PYGM: variants seen among roughly 807,000 people sequenced by gnomAD.
PYGM encodes the protein glycogen phosphorylase, muscle form.
Under a neutral mutation model 99.3 loss-of-function variants are expected in PYGM, and 81 were observed. The ratio of observed to expected loss-of-function variants is 0.82; its 90% CI spans 0.68 to 0.98. The LOEUF is 0.98. Ranked by LOEUF, PYGM falls within the 50% of genes least tolerant of loss-of-function variation. The probability of loss-of-function intolerance (pLI) is 0.00; values close to 1 mark genes in which losing one functional copy is unlikely to be tolerated. For synonymous variants in PYGM, 436 were observed against 451.5 expected (o/e 0.97, Z 0.44); for missense variants, 1,030 against 1,158.1 (o/e 0.89, Z 1.61).
rs535053504 is a variant in PYGM, at chr11:64,752,130, G to C, written c.1621-59C>G. 8.1e-6 allele frequency: 13 copies of C among 1,610,678 alleles called. No individual in the cohort carries two copies. The Admixed American group carries it at 2.0e-4, about 25-fold the overall frequency. ...GGCCACAGCCTCAGGAAATCCTACA[G>C]TCCACACTCCAGTCAGCCCCAGGAG... On this transcript the variant is annotated intron_variant, in intron 13 of 19. Coordinates refer to ENST00000164139, the MANE Select transcript of PYGM (RefSeq NM_005609.4).
In PYGM at chr11:64,753,172, A is replaced by G. The variant is rs115556379; in HGVS notation, c.1419T>C (p.Tyr473=). The G allele has an allele frequency of 6.2e-7, 1 of 1,612,106 alleles. No homozygotes were observed. Among genetic ancestry groups the G allele is most frequent in the Non-Finnish European group, 8.5e-7 (1 of 1,178,218 alleles). The part of the protein sequence containing the change: ...ILKKTIFKDF[Y]ELEPHKFQNK... ...TCTGGAACTTATGAGGCTCCAGCTC[A>G]TAGAAGTCTTTGAAGCTGCAGGATG... The change falls in exon 12 of 20, where the codon TAT becomes TAC. Residue 473 remains tyrosine, a synonymous_variant. Transcript: ENST00000164139.
chr11:64,754,562 GAAC>G lies in PYGM; in HGVS notation c.999+128_999+130del. ...TCTGAGCCTGTGGATTGTGAATCCT[GAAC>G]AACTGACCCTCCCACACTCCCAGTC... On this transcript the variant is annotated intron_variant, in intron 8 of 19. Transcript: ENST00000164139. The surrounding 1 kb of genome is among the most constrained non-coding windows in gnomAD (Gnocchi z 5.5). The G allele has an allele frequency of 2.2e-6, 3 of 1,365,818 alleles. No individual in the cohort carries two copies. The highest frequency in any genetic ancestry group is 3.0e-6 in the Non-Finnish European group (3 of 995,038). 84.6% of individuals were successfully genotyped at this position (1,365,818 alleles called of 1,614,324 possible).
chr11:64,751,079 A>C, intron 16 of PYGM: 1 of 498,180 alleles, frequency 2.0e-6, no homozygotes. Flanking sequence ...TTTAGTAGAG[A>C]CGGGGTTTCA....
intron 17 of PYGM, among the ~76,000 whole-genome samples, chr11:64,749,872 A>T (rs1305019889): frequency 6.7e-6 from 1 of 148,404 alleles, no homozygotes; most frequent in Non-Finnish European, 1.5e-5. Context: ...GGCTCACTGC[A>T]AGCTCCGCCT....
chr11:64,746,522 TGA>T lies in PYGM; in HGVS notation c.*135_*136del. The T allele has an allele frequency of 1.6e-6, 2 of 1,249,952 alleles. No homozygotes were observed. Among genetic ancestry groups the T allele is most frequent in the Non-Finnish European group, 2.3e-6 (2 of 876,584 alleles). The allele number at this position is 1,249,952 out of a possible 1,614,324, so 77.4% of individuals were successfully genotyped here. On this transcript the variant is annotated 3_prime_UTR_variant, in exon 20 of 20. Transcript: ENST00000164139. ...TTAGTCACGCTGGACACTGGGACATTGAGAGTGGGGAAAATGAGGGTTCCAGG... is the reference window on the plus strand; with the variant it reads ...TTAGTCACGCTGGACACTGGGACATTGAGTGGGGAAAATGAGGGTTCCAGG...
In PYGM at chr11:64,754,207, C is replaced by T. The variant is rs1387055347; in HGVS notation, c.1092+46G>A. On this transcript the variant is annotated intron_variant, in intron 9 of 19. Transcript: ENST00000164139. The surrounding 1 kb of genome is among the most constrained non-coding windows in gnomAD (Gnocchi z 5.5). ...ACGCTCCCAAACTGGGAAGGGAACC[C>T]CGAGGCAGAGAGCATCAGATGGGGC... is the stretch of plus-strand genomic sequence containing the variant. The T allele has an allele frequency of 1.3e-6, 2 of 1,590,810 alleles. No homozygotes were observed. The highest frequency in any genetic ancestry group is 1.7e-6 in the Non-Finnish European group (2 of 1,159,382).
chr11:64,758,376 C>T, intron 3 of PYGM, 27 bp from the exon 4 acceptor site: 3 of 1,612,960 alleles, frequency 1.9e-6, no homozygotes, highest in Non-Finnish European at 2.5e-6. Flanking sequence ...AGGTGGCTGT[C>T]AGGGACCCAG....
rs200768330 is a variant in PYGM, at chr11:64,754,873, G to A, written c.856-37C>T. The A allele has an allele frequency of 1.2e-6, 2 of 1,611,328 alleles. No individual in the cohort carries two copies. Among genetic ancestry groups the A allele is most frequent in the African/African-American group, 1.3e-5 (1 of 74,996 alleles). ...ATGAGGCAGCGTGAGTCAGGGCGGT[G>A]GGGGCATGGCCTAAAGCTGCGGTGG... On this transcript the variant is annotated intron_variant, in intron 7 of 19. Coordinates refer to ENST00000164139, the MANE Select transcript of PYGM (RefSeq NM_005609.4). The surrounding 1 kb of genome is among the most constrained non-coding windows in gnomAD (Gnocchi z 5.5).
chr11:64,748,439 T>G (rs1441725087), intron 17 of PYGM: 1 of 152,214 alleles, frequency 6.6e-6, no homozygotes, highest in Non-Finnish European at 1.5e-5. Context: ...GGGAAGCTGT[T>G]GTGGGAGTGT....
intron 17 of PYGM, 68 bp downstream of exon 17, chr11:64,750,308 T>C: frequency 6.4e-7 from 1 of 1,564,492 alleles, no homozygotes; most frequent in Non-Finnish European, 8.8e-7. Flanking sequence ...ACGTGCCGCT[T>C]GCTCCCAGCA....
intron 12 of PYGM, 45 bp downstream of exon 12, chr11:64,753,028 G>C (rs1185626032): frequency 1.3e-6 from 2 of 1,508,682 alleles, no homozygotes; most frequent in Admixed American, 3.3e-5. Flanking sequence ...GCTGATCCCT[G>C]CAGGGACCCA....
rs149649134 is a variant in PYGM, at chr11:64,753,952, G to T, written c.1166C>A (p.Pro389Gln). The change falls in exon 10 of 20, where the codon CCG becomes CAG. Residue 389 changes from proline (P) to glutamine (Q), a missense_variant. Physicochemically the swap from Pro to Gln is moderately conservative, Grantham distance 76. Coordinates refer to ENST00000164139, the MANE Select transcript of PYGM (RefSeq NM_005609.4). ...CAGCAGCGTCTCCAAGAGGTGCACC[G>T]GCCAGCGCTCCAGGGCCTCGGGCAG... ...TVLPEALERW[P>Q]VHLLETLLPR... 6 of 1,603,266 alleles carry T rather than the reference G, an allele frequency of 3.7e-6. No individual in the cohort carries two copies. The highest frequency in any genetic ancestry group is 1.6e-4 in the Middle Eastern group (1 of 6,068).
rs1463150456 is a variant in PYGM, at chr11:64,746,479, G to A, written c.*180C>T. The A allele has an allele frequency of 1.3e-5, 11 of 834,870 alleles. No homozygotes were observed. Among genetic ancestry groups the A allele is most frequent in the Non-Finnish European group, 1.7e-5 (9 of 534,394 alleles). The allele number at this position is 834,870 out of a possible 1,614,324, so 51.7% of individuals were successfully genotyped here. On this transcript the variant is annotated 3_prime_UTR_variant, in exon 20 of 20. Coordinates refer to ENST00000164139, the MANE Select transcript of PYGM (RefSeq NM_005609.4). ...AGGAGGGGACCGGGAGCCCGAGGAC[G>A]GAAGGGGGCCCGTGTCCTTAGTCAC...
In PYGM at chr11:64,758,233, C is replaced by A; in HGVS notation, c.528+13G>T. ...CTGACTAGACCCCACAAGTTAGAGCCAAGGCTGCTCACCTGCCAGCCCCCG... is the reference window on the plus strand; with the variant it reads ...CTGACTAGACCCCACAAGTTAGAGCAAAGGCTGCTCACCTGCCAGCCCCCG... On this transcript the variant is annotated intron_variant, in intron 4 of 19. Transcript: ENST00000164139. 6.2e-7 allele frequency: 1 copy of A among 1,600,322 alleles called. No homozygotes were observed. Among genetic ancestry groups the A allele is most frequent in the Non-Finnish European group, 8.6e-7 (1 of 1,167,462 alleles).
At chr11:64,752,944 A>G in intron 12 of PYGM, 129 bp downstream of exon 12, 2 of 910,564 alleles carry the variant, frequency 2.2e-6, no homozygotes, top group Non-Finnish European at 3.7e-6. Flanking sequence ...AGGCTTGGGG[A>G]ACACAGTGCA....
chr11:64,750,568 T>C lies in PYGM; in HGVS notation c.1985A>G (p.Asp662Gly). 1 of 1,613,784 alleles carries C rather than the reference T, an allele frequency of 6.2e-7. No individual in the cohort carries two copies. The highest frequency in any genetic ancestry group is 8.5e-7 in the Non-Finnish European group (1 of 1,179,952). The change falls in exon 17 of 20, where the codon GAC becomes GGC. Residue 662 changes from aspartate to glycine, a missense_variant. Coordinates refer to ENST00000164139, the MANE Select transcript of PYGM (RefSeq NM_005609.4). ...CGCAGTGGAGATCTGCTCAGAGAGG[T>C]CTGCAGCTGGGATCACTGTGGGGTG... ...SLAEKVIPAADLSEQISTAGT... is the reference protein window; with the variant it reads ...SLAEKVIPAAGLSEQISTAGT...
At chr11:64,747,484 C>A in intron 17 of PYGM, 126 bp from the exon 18 acceptor site, 1 of 1,254,794 alleles carries the variant, frequency 8.0e-7, no homozygotes, top group Non-Finnish European at 1.1e-6. Context: ...CCCAGGGCTG[C>A]CACATCGCCC....
In PYGM at chr11:64,746,688, G is replaced by C. The variant is rs200118962; in HGVS notation, c.2500C>G (p.Arg834Gly). Residue 834 changes from arginine to glycine, a missense_variant, in exon 20 of 20, where the codon CGC becomes GGC. By Grantham distance (125) the Arg-to-Gly change is moderately radical. Transcript: ENST00000164139. ...EIWGVEPSRQ[R>G]LPAPDEAI is the part of the protein sequence containing the mutation. Reference sequence around the variant, plus strand: ...ATGGCCTCATCCGGGGCTGGCAGGCGCTGGCGGGAAGGCTCCACACCCCAG... The same window carrying C: ...ATGGCCTCATCCGGGGCTGGCAGGCCCTGGCGGGAAGGCTCCACACCCCAG... The C allele has an allele frequency of 1.9e-6, 3 of 1,614,204 alleles. No homozygotes were observed. The highest frequency in any genetic ancestry group is 3.3e-5 in the Admixed American group (2 of 60,022).
Position 64,753,616 on chromosome 11 carries a change from C to T in PYGM, c.1306G>A (p.Ala436Thr), listed in dbSNP as rs199728804. The change falls in exon 11 of 20, where the codon GCA becomes ACA. Residue 436 changes from alanine to threonine, a missense_variant. By Grantham distance (58) the Ala-to-Thr change is moderately conservative. Coordinates refer to ENST00000164139, the MANE Select transcript of PYGM (RefSeq NM_005609.4). The stretch of plus-strand genomic sequence containing the variant: ...TGTGCCATGTTGATGCGCTTCACTG[C>T]GCCCTCCTCCACCAGCGACATGCGC... ...LRRMSLVEEG[A>T]VKRINMAHLC... 26 of 1,608,568 alleles carry T rather than the reference C, an allele frequency of 1.6e-5. No individual in the cohort carries two copies. The highest frequency in any genetic ancestry group is 3.3e-4 in the Middle Eastern group (2 of 6,024).
Sources: gnomAD v4.1 joint callset for allele counts (sites outside exome capture counted in the v4.1 genomes callset) on GRCh38, gnomAD v4.1.1 for gene constraint, Gnocchi (gnomAD v3.1) non-coding constraint, MANE v1.5 for transcripts, NCBI Gene and HGNC (gene_info 2026-07-23, HGNC 2026-07-21) for gene names.